Variants in STARD13 observed in about 807,000 individuals in gnomAD.
The protein encoded by STARD13 is stAR-related lipid transfer protein 13.
STARD13 carries 62 observed loss-of-function variants against 106.4 expected under a neutral mutation model. The observed-to-expected ratio is 0.58, with a 90% CI of 0.48 to 0.72. The LOEUF (loss-of-function observed/expected upper bound fraction) is 0.72. Among genes scored for constraint, STARD13 ranks in the 30% least tolerant of loss-of-function variants. The pLI is 0.00. For synonymous variants in STARD13, 565 were observed against 553.0 expected, an observed-to-expected ratio of 1.02 and a Z score of -0.31; for missense variants, 1,387 against 1,424.0, an observed-to-expected ratio of 0.97 and a Z score of 0.42.
chr13:33,335,608 A>C (rs1157743025), intron 1 of STARD13, among the ~76,000 whole-genome samples: 1 of 152,174 alleles, frequency 6.6e-6, no homozygotes, highest in African/African-American at 2.4e-5. Context: ...CTTCCGCCTA[A>C]AGTAGGTTAG....
the STARD13 span, among the ~76,000 whole-genome samples, chr13:33,361,309 A>C: frequency 8.0e-6 from 1 of 125,432 alleles, no homozygotes; most frequent in African/African-American, 2.6e-5. Context: ...ATCTTCTCTA[A>C]CTTACTTTAT....
At chr13:33,539,271 A>G in the STARD13 span, among the ~76,000 whole-genome samples, 1 of 152,244 alleles carries the variant, frequency 6.6e-6, no homozygotes, top group Non-Finnish European at 1.5e-5. Flanking sequence ...TCAAAATAAA[A>G]GGAGATATAT....
the STARD13 span, among the ~76,000 whole-genome samples, chr13:33,672,679 A>G: frequency 6.6e-6 from 1 of 152,242 alleles, no homozygotes; most frequent in Admixed American, 6.5e-5. Flanking sequence ...ACTGTTAAAC[A>G]ATATTTAAAG....
At chr13:33,631,977 G>A in the STARD13 span, among the ~76,000 whole-genome samples, 1 of 152,154 alleles carries the variant, frequency 6.6e-6, no homozygotes, top group African/African-American at 2.4e-5. Context: ...AGTTTATCAG[G>A]TAATGGTCAC....
At chr13:33,549,756 A>AT in the STARD13 span, among the ~76,000 whole-genome samples, 1 of 152,040 alleles carries the variant, frequency 6.6e-6, no homozygotes, top group African/African-American at 2.4e-5. Flanking sequence ...CTGAAGGTGT[A>AT]TTTTTTTGTA....
At chr13:33,202,498 C>T (rs760137701) in intron 1 of STARD13, among the ~76,000 whole-genome samples, 18 of 152,266 alleles carry the variant, frequency 1.2e-4, no homozygotes, top group Admixed American at 5.2e-4. Context: ...GAAACTACAG[C>T]GAGCACCAGG....
intron 1 of STARD13, among the ~76,000 whole-genome samples, chr13:33,180,974 C>T (rs556793912): frequency 1.8e-4 from 28 of 152,078 alleles, no homozygotes; most frequent in Non-Finnish European, 3.4e-4. Flanking sequence ...ACGCATAAAC[C>T]GAGAGCTCTT....
chr13:33,496,539 T>C, the STARD13 span, among the ~76,000 whole-genome samples: 2 of 152,156 alleles, frequency 1.3e-5, no homozygotes, highest in Admixed American at 1.3e-4. Context: ...TCTCTTCTTA[T>C]ACATGTTATA....
At chr13:33,557,686 A>G in the STARD13 span, among the ~76,000 whole-genome samples, 12 of 152,298 alleles carry the variant, frequency 7.9e-5, no homozygotes, top group African/African-American at 2.6e-4. Flanking sequence ...TCAGAATGGG[A>G]AACTTTGGAA....
the STARD13 span, among the ~76,000 whole-genome samples, chr13:33,379,096 T>A: frequency 2.0e-5 from 3 of 152,088 alleles, no homozygotes; most frequent in Admixed American, 2.0e-4. Flanking sequence ...GGCAACAGAA[T>A]AATACCCTAT....
chr13:33,129,732 C>T lies in STARD13; in HGVS notation c.945G>A (p.Pro315=), dbSNP rs372055402. 34 of 1,613,956 alleles carry T rather than the reference C, an allele frequency of 2.1e-5. No homozygotes were observed. Among genetic ancestry groups the T allele is most frequent in the Middle Eastern group, 1.6e-4 (1 of 6,084 alleles). ...QIPNGDLQNS[P]PPACRKGLPC... is the part of the protein sequence containing the mutation. The stretch of plus-strand genomic sequence containing the variant: ...GGAGCCCTTTTCTGCAGGCAGGTGG[C>T]GGCGAATTCTGGAGATCTCCATTTG... The change falls in exon 5 of 14, where the codon CCG becomes CCA. Residue 315 remains proline, a synonymous_variant. Transcript: ENST00000336934.
intron 1 of STARD13, among the ~76,000 whole-genome samples, chr13:33,179,231 G>A (rs75508945): frequency 6.6e-6 from 1 of 152,178 alleles, no homozygotes; most frequent in Admixed American, 6.5e-5. Context: ...GGGCACAAGA[G>A]GGGTAAATAC....
At chr13:33,636,525 C>T in the STARD13 span, among the ~76,000 whole-genome samples, 2 of 152,076 alleles carry the variant, frequency 1.3e-5, no homozygotes, top group Admixed American at 1.3e-4. Flanking sequence ...AGTTTGGTTA[C>T]CCTAATTATG....
At chr13:33,470,831 G>A in the STARD13 span, among the ~76,000 whole-genome samples, 1 of 152,106 alleles carries the variant, frequency 6.6e-6, no homozygotes, top group Non-Finnish European at 1.5e-5. Context: ...CTAGCCCTTT[G>A]TCGGATGGAT....
the STARD13 span, among the ~76,000 whole-genome samples, chr13:33,365,492 A>T: frequency 2.6e-5 from 4 of 152,192 alleles, no homozygotes. Context: ...GGGCTGGAGA[A>T]GGGAGCCCTG....
At chr13:33,301,729 G>A (rs1892725889) in intron 1 of STARD13, among the ~76,000 whole-genome samples, 1 of 151,920 alleles carries the variant, frequency 6.6e-6, no homozygotes, top group South Asian at 2.1e-4. Context: ...CACCATGCCT[G>A]GCTAATATTT....
chr13:33,675,328 T>A, the STARD13 span, among the ~76,000 whole-genome samples: 1 of 152,178 alleles, frequency 6.6e-6, no homozygotes, highest in Non-Finnish European at 1.5e-5. Context: ...GTTCAAAGCA[T>A]AAAGCCATGA....
the STARD13 span, among the ~76,000 whole-genome samples, chr13:33,361,776 G>A: frequency 2.6e-5 from 4 of 152,082 alleles, no homozygotes; most frequent in Admixed American, 6.6e-5. Context: ...ACTCACTATC[G>A]TGAGAACAGC....
chr13:33,489,345 A>C, the STARD13 span, among the ~76,000 whole-genome samples: 1 of 152,166 alleles, frequency 6.6e-6, no homozygotes, highest in Non-Finnish European at 1.5e-5. Flanking sequence ...CACTATAGTA[A>C]AGCCTTTTGT....
Sources: gnomAD v4.1 joint callset for allele counts (sites outside exome capture counted in the v4.1 genomes callset) on GRCh38, gnomAD v4.1.1 for gene constraint, MANE v1.5 for transcripts, NCBI Gene and HGNC (gene_info 2026-07-23, HGNC 2026-07-21) for gene names.